The following RABGAP1L variants were observed in gnomAD, a reference collection of about 807,000 sequenced individuals.
The protein encoded by RABGAP1L is rab GTPase-activating protein 1-like.
In RABGAP1L, 63 loss-of-function variants were observed where a neutral mutation model predicts 137.7. That is an observed-to-expected ratio of 0.46 (90% CI 0.37 to 0.56). The LOEUF is 0.56. Among genes scored for constraint, RABGAP1L ranks in the 20% least tolerant of loss-of-function variants. The pLI, the probability that RABGAP1L is intolerant of heterozygous loss-of-function variation, is 0.00. For synonymous variants in RABGAP1L, 431 were observed against 433.7 expected (o/e 0.99, Z 0.08); for missense variants, 1,095 against 1,244.0 (o/e 0.88, Z 1.80).
chr1:174,557,916 C>A (rs767280175), intron 13 of RABGAP1L, among the ~76,000 whole-genome samples: 1 of 152,220 alleles, frequency 6.6e-6, no homozygotes, highest in Non-Finnish European at 1.5e-5. Context: ...AGAGGGCAGG[C>A]AGTTCCAGTG....
intron 12 of RABGAP1L, 78 bp from the exon 13 acceptor site, chr1:174,393,917 A>G: frequency 6.7e-7 from 1 of 1,483,812 alleles, no homozygotes; most frequent in Non-Finnish European, 9.1e-7. Flanking sequence ...TTTTATATAA[A>G]CTAGTATACT....
chr1:174,692,311 C>T (rs1274404509), intron 15 of RABGAP1L, among the ~76,000 whole-genome samples: 6 of 152,074 alleles, frequency 3.9e-5, no homozygotes, highest in Admixed American at 1.3e-4. Context: ...TAATGGTATA[C>T]AACAAAGAGT....
At chr1:174,843,937 A>G (rs1469091322) in intron 19 of RABGAP1L, among the ~76,000 whole-genome samples, 4 of 118,688 alleles carry the variant, frequency 3.4e-5, no homozygotes, top group African/African-American at 9.6e-5. Context: ...GTGTGAGATG[A>G]TATCTCATAG....
intron 11 of RABGAP1L, among the ~76,000 whole-genome samples, chr1:174,323,364 C>T (rs1199635247): frequency 2.0e-5 from 3 of 151,932 alleles, no homozygotes; most frequent in African/African-American, 4.8e-5. Context: ...CACCTGAAAG[C>T]CCATGATTTT....
chr1:174,670,695 T>G (rs2148445722), intron 14 of RABGAP1L, among the ~76,000 whole-genome samples: 1 of 152,288 alleles, frequency 6.6e-6, no homozygotes, highest in South Asian at 2.1e-4. Context: ...CATAATGATC[T>G]CCAGTTCCAT....
At chr1:174,427,144 ATG>A (rs57986877) in intron 13 of RABGAP1L, among the ~76,000 whole-genome samples, 44,734 of 144,262 alleles carry the variant, frequency 0.31, 6,662 homozygotes, top group Non-Finnish European at 0.32. Flanking sequence ...CCGCATGTTT[ATG>A]TGTGTGTGTG....
chr1:174,314,167 A>G (rs867165654), intron 11 of RABGAP1L, among the ~76,000 whole-genome samples: 6 of 152,130 alleles, frequency 3.9e-5, no homozygotes, highest in Admixed American at 6.5e-5. Flanking sequence ...GAGACTTCTT[A>G]TTATTGCTTC....
intron 13 of RABGAP1L, among the ~76,000 whole-genome samples, chr1:174,461,497 G>T (rs1219737880): frequency 6.6e-6 from 1 of 152,172 alleles, no homozygotes; most frequent in African/African-American, 2.4e-5. Flanking sequence ...CATCTCTCTG[G>T]TTCCTCAGAG....
intron 13 of RABGAP1L, among the ~76,000 whole-genome samples, chr1:174,426,280 A>G (rs1441567112): frequency 6.6e-6 from 1 of 152,092 alleles, no homozygotes; most frequent in Admixed American, 6.6e-5. Context: ...AGGAAAATGT[A>G]ATTCAACCCA....
At chr1:174,623,542 CAAAT>C (rs1425409636) in intron 13 of RABGAP1L, among the ~76,000 whole-genome samples, 6 of 152,128 alleles carry the variant, frequency 3.9e-5, no homozygotes, top group South Asian at 4.1e-4. Flanking sequence ...GGAGAAGCAC[CAAAT>C]ATGGAGCTTC....
chr1:174,540,464 T>A (rs1353784226), intron 13 of RABGAP1L, among the ~76,000 whole-genome samples: 1 of 152,232 alleles, frequency 6.6e-6, no homozygotes, highest in Non-Finnish European at 1.5e-5. Flanking sequence ...TTGAATTAAT[T>A]TTTGTATAAG....
At position 174,587,733 on chromosome 1, in the gene RABGAP1L, G is replaced by T. The variant is rs183150755; in HGVS notation, c.1711-49642G>T. ...TACATAGTAGGTATATATATTTATG[G>T]GGTACTTGAGATATTTTGATACAGG... On this transcript the variant is annotated intron_variant, in intron 13 of 25. Coordinates refer to ENST00000681986, the MANE Select transcript of RABGAP1L (RefSeq NM_001366446.1). Among the ~76,000 whole-genome samples the T allele has an allele frequency of 3.9e-4, 59 of 152,212 alleles. No individual in the cohort carries two copies. In the East Asian group the frequency reaches 9.1e-3, roughly 23 times the overall value.
intron 12 of RABGAP1L, among the ~76,000 whole-genome samples, chr1:174,385,803 A>C (rs1282879970): frequency 6.6e-6 from 1 of 152,206 alleles, no homozygotes; most frequent in East Asian, 1.9e-4. Context: ...TTTAGGTGTC[A>C]CTGGTGATCT....
intron 18 of RABGAP1L, among the ~76,000 whole-genome samples, chr1:174,794,328 A>C (rs1320233688): frequency 1.3e-5 from 2 of 152,168 alleles, no homozygotes; most frequent in Non-Finnish European, 2.9e-5. Flanking sequence ...AATATATCCA[A>C]AGTTCTTTTT....
At chr1:174,734,204 T>C (rs1432358659) in intron 17 of RABGAP1L, among the ~76,000 whole-genome samples, 1 of 151,894 alleles carries the variant, frequency 6.6e-6, no homozygotes, top group Non-Finnish European at 1.5e-5. Flanking sequence ...GATTCTGGAG[T>C]TCAGAGGAGA....
At chr1:174,916,001 CT>C in intron 19 of RABGAP1L, among the ~76,000 whole-genome samples, 1 of 149,592 alleles carries the variant, frequency 6.7e-6, no homozygotes, top group East Asian at 1.9e-4. Context: ...ACTGCAAAGA[CT>C]TTCTCTTATG....
In RABGAP1L at chr1:174,617,787, C is replaced by T. The variant is rs531802339; in HGVS notation, c.1711-19588C>T. ...AACAGCTCCAGTCTACATCTCCCAG[C>T]GTGAGCGACGCAGAAGACGGGTGAT... On this transcript the variant is annotated intron_variant, in intron 13 of 25. Transcript: ENST00000681986. Among the ~76,000 whole-genome samples the T allele has an allele frequency of 1.2e-4, 19 of 152,284 alleles. No individual in the cohort carries two copies. In the South Asian group the frequency reaches 3.5e-3, roughly 28 times the overall value.
chr1:174,867,045 ATCACT>A (rs1451600069), intron 19 of RABGAP1L, among the ~76,000 whole-genome samples: 1 of 151,466 alleles, frequency 6.6e-6, no homozygotes, highest in Non-Finnish European at 1.5e-5. Context: ...CTGTAAATGC[ATCACT>A]GCACTCCAGC....
intron 13 of RABGAP1L, among the ~76,000 whole-genome samples, chr1:174,578,945 C>G (rs1298855337): frequency 6.6e-6 from 1 of 152,020 alleles, no homozygotes. Context: ...GTATAGTTTT[C>G]ATACATATGA....
Sources: gnomAD v4.1 joint callset for allele counts (sites outside exome capture counted in the v4.1 genomes callset) on GRCh38, gnomAD v4.1.1 for gene constraint, MANE v1.5 for transcripts, NCBI Gene and HGNC (gene_info 2026-07-23, HGNC 2026-07-21) for gene names.